ARHGEF18: variants seen among roughly 807,000 people sequenced by gnomAD.
ARHGEF18 encodes the protein rho guanine nucleotide exchange factor 18.
ARHGEF18 carries 93 observed loss-of-function variants against 155.7 expected under a neutral mutation model. That is an observed-to-expected ratio of 0.60 (90% CI 0.50 to 0.71). ARHGEF18 has a LOEUF of 0.71. Among genes scored for constraint, ARHGEF18 ranks in the 30% least tolerant of loss-of-function variants. The probability of loss-of-function intolerance (pLI) is 0.00; values close to 1 mark genes in which losing one functional copy is unlikely to be tolerated. For synonymous variants in ARHGEF18, 742 were observed against 753.1 expected (o/e 0.99, Z 0.24); for missense variants, 1,593 against 1,816.1 (o/e 0.88, Z 2.23).
In ARHGEF18 at chr19:7,418,517, G is replaced by GGTGGCC. The variant is rs1467562399; in HGVS notation, c.968-21827_968-21826insGTGGCC. On this transcript the variant is annotated intron_variant, in intron 10 of 28. Coordinates refer to ENST00000668164, the MANE Select transcript of ARHGEF18 (RefSeq NM_001367823.1). Reference sequence around the variant, plus strand: ...CATTCCTCCCACTCTGTCAGTGACAGATGGCCACTCTGTCACCTTCTTGCC... The same window carrying GGTGGCC: ...CATTCCTCCCACTCTGTCAGTGACAGGTGGCCATGGCCACTCTGTCACCTTCTTGCC... 5.3e-3 allele frequency among the ~76,000 whole-genome samples: 806 copies of GGTGGCC among 152,162 alleles called. 7 individuals carry two copies. The highest frequency in any genetic ancestry group is 0.018 in the African/African-American group (760 of 41,500).
intron 10 of ARHGEF18, among the ~76,000 whole-genome samples, chr19:7,432,403 G>A (rs918893433): frequency 5.9e-5 from 9 of 152,194 alleles, no homozygotes; most frequent in East Asian, 5.8e-4. Flanking sequence ...CTAAATGTGA[G>A]AAAAGGAGTC....
At chr19:7,457,238 T>C (rs1975892103) in intron 18 of ARHGEF18, among the ~76,000 whole-genome samples, 1 of 152,086 alleles carries the variant, frequency 6.6e-6, no homozygotes, top group African/African-American at 2.4e-5. Flanking sequence ...CTCTGTGTCC[T>C]CGAGTGGCCA....
intron 10 of ARHGEF18, among the ~76,000 whole-genome samples, chr19:7,412,280 G>T (rs971469437): frequency 6.0e-5 from 9 of 151,032 alleles, no homozygotes; most frequent in Admixed American, 2.7e-4. Context: ...CTCCCAAAGT[G>T]CTGGGATTAG....
rs548417394 is a variant in ARHGEF18 at position 7,441,368 on chromosome 19, C to T, written c.1107-285C>T. Among the ~76,000 whole-genome samples, 3 of 152,054 alleles carry T rather than the reference C, an allele frequency of 2.0e-5. No individual in the cohort carries two copies. In the East Asian group the frequency reaches 5.8e-4, roughly 30 times the overall value. On this transcript the variant is annotated intron_variant, in intron 11 of 28. Coordinates refer to ENST00000668164, the MANE Select transcript of ARHGEF18 (RefSeq NM_001367823.1). Reference sequence around the variant, plus strand: ...CTAATTTTTGTATTTTTAGCAGAGACGGGATTTTGCCATGTTGGGCGAGCT... The same window carrying T: ...CTAATTTTTGTATTTTTAGCAGAGATGGGATTTTGCCATGTTGGGCGAGCT...
At chr19:7,454,649 G>A (rs1164597705) in intron 17 of ARHGEF18, among the ~76,000 whole-genome samples, 1 of 152,178 alleles carries the variant, frequency 6.6e-6, no homozygotes, top group Non-Finnish European at 1.5e-5. Flanking sequence ...GGATGAGCAA[G>A]GCAGCTGGGG....
intron 2 of ARHGEF18, among the ~76,000 whole-genome samples, chr19:7,365,436 C>A (rs1969843143): frequency 1.3e-5 from 2 of 152,212 alleles, no homozygotes; most frequent in South Asian, 2.1e-4. Flanking sequence ...CACTGAGATG[C>A]AAGCAGTGAA....
Position 7,467,363 on chromosome 19 carries a change from C to T in ARHGEF18, c.3159C>T (p.Arg1053=), listed in dbSNP as rs1319564576. ...QRNFEKQREE[R]AALEKLQSQL... ...ACTTCGAGAAGCAGCGGGAGGAGCG[C>T]GCGGCCCTGGAGAAGCTGCAGAGCC... is the stretch of plus-strand genomic sequence containing the variant. Residue 1053 remains arginine (R), a synonymous_variant, in exon 26 of 29, where the codon CGC becomes CGT. Coordinates refer to ENST00000668164, the MANE Select transcript of ARHGEF18 (RefSeq NM_001367823.1). 14 of 1,534,618 alleles carry T rather than the reference C, an allele frequency of 9.1e-6. No homozygotes were observed. Among genetic ancestry groups the T allele is most frequent in the South Asian group, 1.2e-5 (1 of 83,988 alleles).
chr19:7,436,652 C>T (rs1369915076), intron 10 of ARHGEF18, among the ~76,000 whole-genome samples: 1 of 152,088 alleles, frequency 6.6e-6, no homozygotes, highest in Non-Finnish European at 1.5e-5. Flanking sequence ...TCAGTCAAGA[C>T]CTCAGTCCAC....
intron 10 of ARHGEF18, chr19:7,390,425 C>G (rs1369766269): frequency 6.6e-6 from 1 of 151,056 alleles, no homozygotes; most frequent in Non-Finnish European, 1.5e-5. Context: ...GGGAGGATCC[C>G]TTGAACCCAA....
At chr19:7,450,358 T>A (rs1975302340) in intron 15 of ARHGEF18, among the ~76,000 whole-genome samples, 1 of 152,224 alleles carries the variant, frequency 6.6e-6, no homozygotes, top group African/African-American at 2.4e-5. Context: ...TAATGCGGGA[T>A]CTTGCTGTCC....
chr19:7,447,280 G>A, intron 15 of ARHGEF18, 112 bp downstream of exon 15: 1 of 975,956 alleles, frequency 1.0e-6, no homozygotes. Flanking sequence ...CACAAGGCCA[G>A]GAGATCGAGA....
chr19:7,465,725 G>A (rs1390594673), intron 23 of ARHGEF18, among the ~76,000 whole-genome samples: 5 of 152,140 alleles, frequency 3.3e-5, no homozygotes, highest in Non-Finnish European at 5.9e-5. Context: ...GATCACTTGA[G>A]GCCATGAGTT....
In ARHGEF18 at chr19:7,470,532, A is replaced by G. The variant is rs1976964256; in HGVS notation, c.*234A>G. ...TCTGAATCTCTTTTTTTTTTTTTCA[A>G]AAAGGAAAGTTTTTAATGGAAAGTT... On this transcript the variant is annotated 3_prime_UTR_variant, in exon 29 of 29. Transcript: ENST00000668164. This position sits in a 1 kb window ranked among gnomAD's most constrained non-coding sequence, Gnocchi z 5.9. The G allele has an allele frequency of 4.9e-6, 2 of 408,770 alleles. No individual in the cohort carries two copies. The highest frequency in any genetic ancestry group is 4.4e-5 in the Admixed American group (1 of 22,592). 25.3% of individuals were successfully genotyped at this position (408,770 alleles called of 1,614,324 possible). A position where few individuals can be genotyped will look rare whatever the true frequency, so the allele number is the denominator to read the frequency against.
At chr19:7,408,174 G>T (rs372422623) in intron 10 of ARHGEF18, among the ~76,000 whole-genome samples, 1 of 151,898 alleles carries the variant, frequency 6.6e-6, no homozygotes, top group African/African-American at 2.4e-5. Flanking sequence ...AGCTACTTGG[G>T]GGGTGAGACA....
Position 7,470,847 on chromosome 19 carries a change from C to T in ARHGEF18, c.*549C>T, listed in dbSNP as rs1000330445. On this transcript the variant is annotated 3_prime_UTR_variant, in exon 29 of 29. Transcript: ENST00000668164. The surrounding 1 kb of genome is among the most constrained non-coding windows in gnomAD (Gnocchi z 5.9). ...TCCACTTCCCAAACAGAGCCCCACG[C>T]AGGTTCACCATGAACCTCAGGGTCA... 5.0e-6 allele frequency: 2 copies of T among 401,106 alleles called. No homozygotes were observed. Among genetic ancestry groups the T allele is most frequent in the Non-Finnish European group, 4.4e-6 (1 of 226,274 alleles). 24.8% of individuals were successfully genotyped at this position (401,106 alleles called of 1,614,324 possible).
intron 10 of ARHGEF18, among the ~76,000 whole-genome samples, chr19:7,416,545 G>T (rs1188458659): frequency 7.5e-6 from 1 of 132,562 alleles, no homozygotes; most frequent in Admixed American, 7.1e-5. Context: ...GTGTGTGTGT[G>T]TGTGTGTGTG....
chr19:7,468,786 G>A (rs1364861204), intron 26 of ARHGEF18, 39 bp from the exon 27 acceptor site: 1 of 1,493,390 alleles, frequency 6.7e-7, no homozygotes, highest in Non-Finnish European at 9.0e-7. Flanking sequence ...CCGCACAGCA[G>A]GAACCTCACA....
intron 11 of ARHGEF18, among the ~76,000 whole-genome samples, chr19:7,441,418 G>T (rs1222819640): frequency 6.6e-6 from 1 of 152,098 alleles, no homozygotes; most frequent in Admixed American, 6.5e-5. Flanking sequence ...GACCTCAGGT[G>T]ATCCTCCTGG....
Position 7,463,278 on chromosome 19 carries a change from G to T in ARHGEF18, c.2636-540G>T, listed in dbSNP as rs1348999846. ...CTTCCACCCGGCTCCAGTGGCCATT[G>T]TTCTTGGCCCCCTGGGGACACTCTC... On this transcript the variant is annotated intron_variant, in intron 21 of 28. Coordinates refer to ENST00000668164, the MANE Select transcript of ARHGEF18 (RefSeq NM_001367823.1). This position sits in a 1 kb window ranked among gnomAD's most constrained non-coding sequence, Gnocchi z 5.2. Among the ~76,000 whole-genome samples, 3 of 152,152 alleles carry T rather than the reference G, an allele frequency of 2.0e-5. No homozygotes were observed. Among genetic ancestry groups the T allele is most frequent in the Non-Finnish European group, 4.4e-5 (3 of 68,034 alleles).
Sources: gnomAD v4.1 joint callset for allele counts (sites outside exome capture counted in the v4.1 genomes callset) on GRCh38, gnomAD v4.1.1 for gene constraint, Gnocchi (gnomAD v3.1) non-coding constraint, MANE v1.5 for transcripts, NCBI Gene and HGNC (gene_info 2026-07-23, HGNC 2026-07-21) for gene names.